The following MEI4 variants were observed in gnomAD, a reference collection of about 807,000 sequenced individuals.
The protein encoded by MEI4 is meiotic double-stranded break formation protein 4.
A neutral mutation model predicts 31.4 loss-of-function variants in MEI4; 27 were observed. The ratio of observed to expected loss-of-function variants is 0.86; its 90% CI spans 0.63 to 1.19. The LOEUF (loss-of-function observed/expected upper bound fraction) is 1.19, where lower values mean the gene tolerates loss of function less well. Among genes scored for constraint, MEI4 ranks in the 50% most tolerant of loss-of-function variants. The pLI is 0.00. For synonymous variants in MEI4, 122 were observed against 145.4 expected (o/e 0.84, Z 1.16); for missense variants, 329 against 398.9 (o/e 0.82, Z 1.49).
At chr6:77,912,124 C>T (rs1440623915) in intron 4 of MEI4, among the ~76,000 whole-genome samples, 6 of 151,968 alleles carry the variant, frequency 3.9e-5, no homozygotes, top group South Asian at 4.1e-4. Flanking sequence ...CATTGTTGAA[C>T]GTCACTTGGC....
At chr6:77,851,809 A>C (rs542055672) in intron 4 of MEI4, among the ~76,000 whole-genome samples, 2 of 152,210 alleles carry the variant, frequency 1.3e-5, no homozygotes, top group South Asian at 4.1e-4. Flanking sequence ...CAGGGATTTG[A>C]AAGGGGAGAT....
intron 1 of MEI4, among the ~76,000 whole-genome samples, chr6:77,668,892 G>A (rs1367609134): frequency 6.6e-6 from 1 of 152,080 alleles, no homozygotes; most frequent in African/African-American, 2.4e-5. Flanking sequence ...TTTCTAAAGT[G>A]CCAGCTTTCT....
chr6:77,860,001 T>G (rs549766270), intron 4 of MEI4, among the ~76,000 whole-genome samples: 17 of 152,320 alleles, frequency 1.1e-4, no homozygotes, highest in African/African-American at 4.1e-4. Flanking sequence ...ATTCATGTGC[T>G]TCCAAGAATT....
intron 4 of MEI4, among the ~76,000 whole-genome samples, chr6:77,907,435 G>T (rs577464936): frequency 6.6e-6 from 1 of 152,186 alleles, no homozygotes; most frequent in Non-Finnish European, 1.5e-5. Context: ...ATGGTTTCCA[G>T]CTTCATCCAT....
At chr6:77,766,681 G>T (rs1453453990) in intron 3 of MEI4, among the ~76,000 whole-genome samples, 2 of 152,044 alleles carry the variant, frequency 1.3e-5, no homozygotes, top group Admixed American at 1.3e-4. Flanking sequence ...CAAAGTGCTG[G>T]GATTACAGGC....
At chr6:77,698,738 TA>T (rs1371996864) in intron 2 of MEI4, among the ~76,000 whole-genome samples, 2 of 152,160 alleles carry the variant, frequency 1.3e-5, no homozygotes, top group Non-Finnish European at 2.9e-5. Context: ...ATCTGACAAT[TA>T]TGTGTCTTGG....
intron 2 of MEI4, among the ~76,000 whole-genome samples, chr6:77,691,855 T>G (rs999523701): frequency 7.2e-5 from 11 of 151,944 alleles, no homozygotes; most frequent in African/African-American, 2.4e-4. Flanking sequence ...CAGGAGCCAC[T>G]GGGCTTTTTT....
At chr6:77,918,210 C>T (rs534419139) in intron 4 of MEI4, among the ~76,000 whole-genome samples, 1 of 152,068 alleles carries the variant, frequency 6.6e-6, no homozygotes, top group South Asian at 2.1e-4. Flanking sequence ...ATGATGGCTC[C>T]AGCTTTGTTC....
chr6:77,652,916 A>T (rs1159573659), upstream of MEI4, among the ~76,000 whole-genome samples: 1 of 152,198 alleles, frequency 6.6e-6, no homozygotes, highest in Non-Finnish European at 1.5e-5. Context: ...TGTTAAGAGC[A>T]CCTGTAATCA....
chr6:77,695,457 G>T (rs1202997621), intron 2 of MEI4, among the ~76,000 whole-genome samples: 6 of 152,174 alleles, frequency 3.9e-5, no homozygotes, highest in Non-Finnish European at 8.8e-5. Flanking sequence ...GTAAGGAAGG[G>T]ATCCAGTTTC....
intron 3 of MEI4, among the ~76,000 whole-genome samples, chr6:77,765,876 T>C (rs1768161791): frequency 6.6e-6 from 1 of 152,192 alleles, no homozygotes; most frequent in South Asian, 2.1e-4. Flanking sequence ...GATGAGTTCA[T>C]GTCCTTTGTA....
rs1765997660 is a variant in MEI4 at position 77,892,823 on chromosome 6, TTGGTGGG to T, written c.901-30265_901-30259del. ...TGTTGGGCCCCAAACAGTATATAGTTTGGTGGGGGCTGGACTCTCCAAATGGCTCCAT... is the reference window on the plus strand; with the variant it reads ...TGTTGGGCCCCAAACAGTATATAGTTGGCTGGACTCTCCAAATGGCTCCAT... On this transcript the variant is annotated intron_variant, in intron 4 of 4. Transcript: ENST00000684080. Among the ~76,000 whole-genome samples the T allele has an allele frequency of 1.3e-5, 2 of 151,912 alleles. 1 individual carries two copies. The highest frequency in any genetic ancestry group is 2.9e-5 in the Non-Finnish European group (2 of 67,990).
intron 2 of MEI4, among the ~76,000 whole-genome samples, chr6:77,755,677 A>G (rs993860057): frequency 1.3e-5 from 2 of 152,118 alleles, no homozygotes; most frequent in East Asian, 1.9e-4. Context: ...TCGGACTCCC[A>G]TGTGCTGGGT....
intron 3 of MEI4, among the ~76,000 whole-genome samples, chr6:77,801,364 C>T (rs923072181): frequency 6.7e-6 from 1 of 150,224 alleles, no homozygotes; most frequent in Non-Finnish European, 1.5e-5. Flanking sequence ...TTTATCACGT[C>T]TATTCTTCTC....
chr6:77,884,279 A>G (rs1366113136), intron 4 of MEI4, among the ~76,000 whole-genome samples: 2 of 152,138 alleles, frequency 1.3e-5, no homozygotes, highest in Non-Finnish European at 2.9e-5. Flanking sequence ...ACAGTTAGCA[A>G]ATATTTTCCC....
intron 3 of MEI4, among the ~76,000 whole-genome samples, chr6:77,763,300 T>A (rs1226748850): frequency 6.6e-6 from 1 of 152,092 alleles, no homozygotes; most frequent in Non-Finnish European, 1.5e-5. Flanking sequence ...ACTTCCTTGG[T>A]TGCCTCAGCT....
At chr6:77,882,641 T>G (rs1461485982) in intron 4 of MEI4, among the ~76,000 whole-genome samples, 1 of 152,138 alleles carries the variant, frequency 6.6e-6, no homozygotes, top group Admixed American at 6.6e-5. Context: ...AGTTGAGAGG[T>G]ATCAGTGACT....
At chr6:77,880,521 T>A (rs143226165) in intron 4 of MEI4, among the ~76,000 whole-genome samples, 58 of 152,318 alleles carry the variant, frequency 3.8e-4, no homozygotes, top group African/African-American at 1.3e-3. Flanking sequence ...ATGATAAATT[T>A]TGGGAGAAAA....
intron 2 of MEI4, among the ~76,000 whole-genome samples, chr6:77,706,413 A>G (rs1343156283): frequency 1.3e-5 from 2 of 152,118 alleles, no homozygotes; most frequent in African/African-American, 4.8e-5. Context: ...TTTTTGTTCA[A>G]TTACATTTCT....
Sources: gnomAD v4.1 joint callset for allele counts (sites outside exome capture counted in the v4.1 genomes callset) on GRCh38, gnomAD v4.1.1 for gene constraint, MANE v1.5 for transcripts, NCBI Gene and HGNC (gene_info 2026-07-23, HGNC 2026-07-21) for gene names.